The following SLC24A2 variants were observed in gnomAD, a reference collection of about 807,000 sequenced individuals.
SLC24A2 encodes the protein solute carrier family 24 member 2, also known as sodium/potassium/calcium exchanger 2.
SLC24A2 carries 36 observed loss-of-function variants against 62.0 expected under a neutral mutation model. That is an observed-to-expected ratio of 0.58 (90% confidence interval 0.44 to 0.77). The LOEUF is 0.77. SLC24A2 is among the 30% of genes least tolerant of loss of function. SLC24A2 has a pLI of 0.00. For missense variants in SLC24A2, 846 were observed against 817.9 expected (o/e 1.03, Z -0.42); for synonymous variants, 358 against 294.0 (o/e 1.22, Z -2.23).
At chr9:19,660,485 A>C (rs1819064019) in intron 2 of SLC24A2, among the ~76,000 whole-genome samples, 1 of 152,188 alleles carries the variant, frequency 6.6e-6, no homozygotes, top group African/African-American at 2.4e-5. Flanking sequence ...AGTTCTCAAA[A>C]TATAGGAGGG....
the SLC24A2 span, among the ~76,000 whole-genome samples, chr9:20,107,577 A>G: frequency 6.6e-6 from 1 of 152,186 alleles, no homozygotes; most frequent in East Asian, 1.9e-4. Flanking sequence ...CAAACCTGAG[A>G]AAAACAAGCA....
chr9:19,659,416 A>G (rs915032988), intron 2 of SLC24A2, among the ~76,000 whole-genome samples: 10 of 152,178 alleles, frequency 6.6e-5, no homozygotes, highest in African/African-American at 2.4e-4. Flanking sequence ...AGGAACAAAT[A>G]CATTTACTTA....
chr9:20,029,770 C>T, the SLC24A2 span, among the ~76,000 whole-genome samples: 2 of 152,112 alleles, frequency 1.3e-5, no homozygotes, highest in Admixed American at 6.6e-5. Context: ...GCAATATGAG[C>T]TTTAACCCTG....
intron 2 of SLC24A2, among the ~76,000 whole-genome samples, chr9:19,686,539 C>A (rs1157815492): frequency 4.6e-5 from 7 of 152,050 alleles, no homozygotes; most frequent in African/African-American, 1.7e-4. Context: ...GGGAGGGAGC[C>A]CATGGGAGGT....
chr9:19,578,352 A>G (rs1390142742), intron 5 of SLC24A2, among the ~76,000 whole-genome samples: 1 of 87,904 alleles, frequency 1.1e-5, no homozygotes, highest in Non-Finnish European at 2.3e-5. Context: ...AATGCATGCA[A>G]TAAGCCAAAA....
intron 2 of SLC24A2, among the ~76,000 whole-genome samples, chr9:19,627,753 C>T (rs116051961): frequency 0.013 from 1,991 of 152,154 alleles, 42 homozygotes; most frequent in African/African-American, 0.046. Context: ...AGACTGGTCT[C>T]GAACTCCTAG....
chr9:19,918,419 C>A, the SLC24A2 span, among the ~76,000 whole-genome samples: 1 of 144,498 alleles, frequency 6.9e-6, no homozygotes. Flanking sequence ...GGAAAGTATT[C>A]TTTTGTCTTC....
At chr9:20,038,818 T>C in the SLC24A2 span, among the ~76,000 whole-genome samples, 1 of 152,130 alleles carries the variant, frequency 6.6e-6, no homozygotes, top group Non-Finnish European at 1.5e-5. Context: ...TAAAACCACA[T>C]GGAGGCACAG....
At chr9:19,790,097 C>CT (rs202040971), upstream of SLC24A2, among the ~76,000 whole-genome samples, 272 of 150,426 alleles carry the variant, frequency 1.8e-3, 2 homozygotes, top group Admixed American at 0.011. Context: ...CAAGACTCAA[C>CT]TTTTCTTTTT....
intron 2 of SLC24A2, among the ~76,000 whole-genome samples, chr9:19,761,709 C>T (rs889658102): frequency 1.3e-5 from 2 of 152,012 alleles, no homozygotes; most frequent in Non-Finnish European, 2.9e-5. Context: ...TCAATTCCCA[C>T]CTATGAGTGA....
chr9:19,798,583 A>G, the SLC24A2 span, among the ~76,000 whole-genome samples: 5 of 140,004 alleles, frequency 3.6e-5, no homozygotes, highest in Admixed American at 1.5e-4. Context: ...AATACGTTTG[A>G]TCAAATCCTT....
At chr9:20,168,487 A>G in the SLC24A2 span, among the ~76,000 whole-genome samples, 3 of 152,018 alleles carry the variant, frequency 2.0e-5, 1 homozygote, top group Non-Finnish European at 2.9e-5. Context: ...AGAATATATA[A>G]AGAACTCATT....
chr9:19,932,225 G>A, the SLC24A2 span, among the ~76,000 whole-genome samples: 1 of 152,156 alleles, frequency 6.6e-6, no homozygotes, highest in Non-Finnish European at 1.5e-5. Flanking sequence ...AAATGGTCTT[G>A]GTTTCTTTTT....
chr9:19,741,292 G>A (rs1821669491), intron 2 of SLC24A2, among the ~76,000 whole-genome samples: 1 of 152,196 alleles, frequency 6.6e-6, no homozygotes, highest in Non-Finnish European at 1.5e-5. Context: ...AAAAAGGGGA[G>A]CTAGAGGGAA....
the SLC24A2 span, among the ~76,000 whole-genome samples, chr9:19,975,349 C>T: frequency 6.6e-6 from 1 of 152,252 alleles, no homozygotes; most frequent in Admixed American, 6.5e-5. Context: ...CAAAAAAATC[C>T]TCCAGTGTGC....
chr9:20,216,218 G>A, the SLC24A2 span, among the ~76,000 whole-genome samples: 12 of 152,154 alleles, frequency 7.9e-5, no homozygotes, highest in Non-Finnish European at 1.3e-4. Context: ...GTTGTATCCC[G>A]TTTGCCTCAG....
rs563086462 is a variant in SLC24A2, at chr9:19,632,461, T to A, written c.931-10162A>T. ...AATCCTTGCTTTCACGGAGTGTATA[T>A]TCTAGCCTAGATCTCACTTCCAAGA... On this transcript the variant is annotated intron_variant, in intron 2 of 10. Transcript: ENST00000341998. This position sits in a 1 kb window ranked among gnomAD's most constrained non-coding sequence, Gnocchi z 4.5. 2.6e-5 allele frequency among the ~76,000 whole-genome samples: 4 copies of A among 152,316 alleles called. No homozygotes were observed. The East Asian group carries it at 7.7e-4, about 29-fold the overall frequency.
At chr9:19,794,492 T>C in the SLC24A2 span, among the ~76,000 whole-genome samples, 1 of 151,860 alleles carries the variant, frequency 6.6e-6, no homozygotes, top group Non-Finnish European at 1.5e-5. Context: ...GCTGATTACC[T>C]GGGTGACAAA....
the SLC24A2 span, among the ~76,000 whole-genome samples, chr9:20,002,911 G>A: frequency 1.3e-5 from 2 of 152,294 alleles, no homozygotes; most frequent in East Asian, 3.9e-4. Flanking sequence ...CTGACTCTAC[G>A]GATGTACAAC....
Sources: allele counts gnomAD v4.1 joint callset (sites outside exome capture counted in the v4.1 genomes callset), GRCh38; gene constraint gnomAD v4.1.1; non-coding constraint Gnocchi (gnomAD v3.1); transcripts MANE v1.5; gene names NCBI Gene and HGNC (gene_info 2026-07-23, HGNC 2026-07-21).